The following PDE4B variants were observed in gnomAD, a reference collection of about 807,000 sequenced individuals.
PDE4B encodes 3',5'-cyclic-AMP phosphodiesterase 4B.
Under a neutral mutation model 82.2 loss-of-function variants are expected in PDE4B, and 20 were observed. The ratio of observed to expected loss-of-function variants is 0.24; its 90% confidence interval spans 0.17 to 0.35. The LOEUF (loss-of-function observed/expected upper bound fraction) is 0.35, where lower values mean the gene tolerates loss of function less well. PDE4B is among the 10% of genes least tolerant of loss of function. The probability of loss-of-function intolerance (pLI) is 1.00; values close to 1 mark genes in which losing one functional copy is unlikely to be tolerated. For missense variants in PDE4B, 655 were observed against 907.2 expected (o/e 0.72, Z 3.57); for synonymous variants, 320 against 318.9 (o/e 1.00, Z -0.04).
chr1:66,075,586 A>C (rs1355534228), intron 3 of PDE4B, among the ~76,000 whole-genome samples: 1 of 152,082 alleles, frequency 6.6e-6, no homozygotes, highest in African/African-American at 2.4e-5. Flanking sequence ...CAAAATTATA[A>C]TCCTGTGAAT....
chr1:66,103,462 G>A (rs1645266424), intron 3 of PDE4B, among the ~76,000 whole-genome samples: 1 of 152,036 alleles, frequency 6.6e-6, no homozygotes, highest in Non-Finnish European at 1.5e-5. Flanking sequence ...TGGTCTTAGA[G>A]TTTCTCTTTT....
intron 3 of PDE4B, among the ~76,000 whole-genome samples, chr1:66,012,561 G>A (rs1360263443): frequency 6.6e-6 from 1 of 152,034 alleles, no homozygotes; most frequent in East Asian, 1.9e-4. Context: ...CTTCTGTGCC[G>A]TTTGAAGCTC....
At chr1:66,020,984 C>T (rs1163458770) in intron 3 of PDE4B, among the ~76,000 whole-genome samples, 3 of 152,142 alleles carry the variant, frequency 2.0e-5, no homozygotes, top group Non-Finnish European at 4.4e-5. Flanking sequence ...CCTGTTGTTT[C>T]CTGACTTTTT....
intron 3 of PDE4B, among the ~76,000 whole-genome samples, chr1:65,935,749 C>T (rs1648091642): frequency 6.6e-6 from 1 of 152,012 alleles, no homozygotes; most frequent in African/African-American, 2.4e-5. Context: ...CGAGACCAGC[C>T]CGACCAATAT....
rs540775660 is a variant in PDE4B at position 66,236,401 on chromosome 1, C to G, written c.282-11059C>G. 2.6e-5 allele frequency among the ~76,000 whole-genome samples: 4 copies of G among 152,082 alleles called. 1 individual carries two copies. The South Asian group carries it at 8.3e-4, about 32-fold the overall frequency. On this transcript the variant is annotated intron_variant, in intron 3 of 16. Coordinates refer to ENST00000341517, the MANE Select transcript of PDE4B (RefSeq NM_002600.4). Reference sequence around the variant, plus strand: ...TGTTATTATGTGTGCTTTTCAATCACTTATCTTTTAAAGAGATTTTAATAA... The same window carrying G: ...TGTTATTATGTGTGCTTTTCAATCAGTTATCTTTTAAAGAGATTTTAATAA...
At chr1:65,919,080 C>T (rs776815637) in intron 3 of PDE4B, among the ~76,000 whole-genome samples, 25 of 152,284 alleles carry the variant, frequency 1.6e-4, no homozygotes, top group Non-Finnish European at 3.5e-4. Flanking sequence ...GATACATTTA[C>T]ATTAATGTAA....
intron 4 of PDE4B, among the ~76,000 whole-genome samples, chr1:66,248,887 G>A (rs1653532395): frequency 6.6e-6 from 1 of 152,174 alleles, no homozygotes. Flanking sequence ...TAATCTGTCA[G>A]GTAGGTGTCT....
intron 3 of PDE4B, among the ~76,000 whole-genome samples, chr1:66,066,272 G>A (rs1032093098): frequency 6.6e-5 from 10 of 151,506 alleles, no homozygotes; most frequent in African/African-American, 1.9e-4. Context: ...GTCCCTACCC[G>A]CAGCCTCCTC....
chr1:66,254,324 GA>G (rs1450629973), intron 4 of PDE4B, among the ~76,000 whole-genome samples: 1 of 152,172 alleles, frequency 6.6e-6, no homozygotes, highest in Non-Finnish European at 1.5e-5. Context: ...TTCATCTTGG[GA>G]AAAAAGGTTG....
At chr1:65,952,622 C>T (rs555091574) in intron 3 of PDE4B, among the ~76,000 whole-genome samples, 1 of 152,134 alleles carries the variant, frequency 6.6e-6, no homozygotes, top group East Asian at 1.9e-4. Context: ...ATGGAGGTTT[C>T]AGTGAGCCAA....
At chr1:65,878,063 A>G (rs1327304413) in intron 1 of PDE4B, among the ~76,000 whole-genome samples, 1 of 152,192 alleles carries the variant, frequency 6.6e-6, no homozygotes, top group Non-Finnish European at 1.5e-5. Flanking sequence ...CCTATCAAAA[A>G]GTGGGCAAAG....
chr1:65,971,565 G>A (rs1650138899), intron 3 of PDE4B, among the ~76,000 whole-genome samples: 1 of 152,176 alleles, frequency 6.6e-6, no homozygotes, highest in East Asian at 1.9e-4. Context: ...AAAGGAATAA[G>A]TTGATCAAGT....
chr1:65,956,961 T>C (rs151166716), intron 3 of PDE4B, among the ~76,000 whole-genome samples: 2 of 152,262 alleles, frequency 1.3e-5, no homozygotes, highest in African/African-American at 4.8e-5. Flanking sequence ...AGTAGGTATG[T>C]ACAGGTATCT....
intron 4 of PDE4B, chr1:66,257,251 T>A: frequency 4.0e-6 from 1 of 249,050 alleles, no homozygotes; most frequent in South Asian, 5.0e-5. Context: ...TTATCCAGAC[T>A]GTTATACCAG....
At chr1:66,025,486 A>G (rs1005668137) in intron 3 of PDE4B, among the ~76,000 whole-genome samples, 2 of 152,174 alleles carry the variant, frequency 1.3e-5, no homozygotes, top group Non-Finnish European at 2.9e-5. Flanking sequence ...CAGTAACACA[A>G]TGATGCAGAG....
chr1:66,136,838 T>A (rs539384304), intron 3 of PDE4B, among the ~76,000 whole-genome samples: 1 of 151,742 alleles, frequency 6.6e-6, no homozygotes, highest in Non-Finnish European at 1.5e-5. Context: ...AAGCAATGGT[T>A]GAGATAGAAG....
chr1:66,083,939 T>C (rs566893700), intron 3 of PDE4B, among the ~76,000 whole-genome samples: 25 of 152,296 alleles, frequency 1.6e-4, no homozygotes, highest in Admixed American at 1.4e-3. Context: ...GAACACTCCA[T>C]GTTATGTCAT....
chr1:66,041,170 A>T (rs1654346860), intron 3 of PDE4B, among the ~76,000 whole-genome samples: 1 of 151,980 alleles, frequency 6.6e-6, no homozygotes, highest in Non-Finnish European at 1.5e-5. Flanking sequence ...TAAGCAAAGT[A>T]GCTTAGAAAG....
intron 1 of PDE4B, among the ~76,000 whole-genome samples, chr1:65,875,206 A>G (rs1332751803): frequency 6.6e-6 from 1 of 151,972 alleles, no homozygotes; most frequent in African/African-American, 2.4e-5. Context: ...AAAAATGCTC[A>G]TCATCACTAG....
Sources: gnomAD v4.1 joint callset for allele counts (sites outside exome capture counted in the v4.1 genomes callset) on GRCh38, gnomAD v4.1.1 for gene constraint, MANE v1.5 for transcripts, NCBI Gene and HGNC (gene_info 2026-07-23, HGNC 2026-07-21) for gene names.